UNKL: variants seen among roughly 807,000 people sequenced by gnomAD.
The protein encoded by UNKL is unk like zinc finger.
UNKL carries 60 observed loss-of-function variants against 78.0 expected under a neutral mutation model. That is an observed-to-expected ratio of 0.77 (90% CI 0.63 to 0.95). The LOEUF (loss-of-function observed/expected upper bound fraction) is 0.95. UNKL is among the 40% of genes least tolerant of loss of function. The pLI is 0.00. For synonymous variants in UNKL, 608 were observed against 474.8 expected (o/e 1.28, Z -3.65); for missense variants, 1,159 against 1,045.7 (o/e 1.11, Z -1.49).
chr16:1,380,965 G>C (rs1156285473), intron 10 of UNKL, among the ~76,000 whole-genome samples: 3 of 152,122 alleles, frequency 2.0e-5, no homozygotes, highest in Admixed American at 6.6e-5. Context: ...GTGAGCCACT[G>C]CTCACGGCTC....
At chr16:1,381,622 C>T (rs528849089) in intron 10 of UNKL, among the ~76,000 whole-genome samples, 4 of 152,254 alleles carry the variant, frequency 2.6e-5, no homozygotes, top group Admixed American at 1.3e-4. Flanking sequence ...AAAAAAAGAA[C>T]CTGCTCAGAG....
chr16:1,378,034 T>C (rs1438363965), intron 10 of UNKL, among the ~76,000 whole-genome samples: 1 of 152,184 alleles, frequency 6.6e-6, no homozygotes, highest in African/African-American at 2.4e-5. Flanking sequence ...ATGGGTCCTT[T>C]GCCGGGCTCC....
intron 2 of UNKL, among the ~76,000 whole-genome samples, chr16:1,413,504 G>A (rs150272323): frequency 9.2e-5 from 14 of 152,136 alleles, no homozygotes; most frequent in African/African-American, 3.1e-4. Context: ...GGAGGTAGAG[G>A]CTGCAGTGAG....
intron 5 of UNKL, chr16:1,398,836 T>TG: frequency 6.4e-7 from 1 of 1,563,084 alleles, no homozygotes; most frequent in Non-Finnish European, 8.7e-7. Context: ...AGGGGACAGC[T>TG]GGGGCTCAGG....
Position 1,396,738 on chromosome 16 carries a change from C to T in UNKL, c.852+440G>A, listed in dbSNP as rs564836256. Among the ~76,000 whole-genome samples the T allele has an allele frequency of 1.1e-3, 165 of 152,184 alleles. 1 individual carries two copies. Among genetic ancestry groups the T allele is most frequent in the African/African-American group, 3.7e-3 (154 of 41,528 alleles). On this transcript the variant is annotated intron_variant, in intron 6 of 14. Coordinates refer to ENST00000389221, the MANE Select transcript of UNKL (RefSeq NM_001372107.1). Reference sequence around the variant, plus strand: ...CCTCCTGAGTAGCTGGGACTACAGACGCCCGCCACCACGCCTGGCTGATTT... The same window carrying T: ...CCTCCTGAGTAGCTGGGACTACAGATGCCCGCCACCACGCCTGGCTGATTT...
intron 6 of UNKL, among the ~76,000 whole-genome samples, chr16:1,396,430 G>A (rs1045685910): frequency 2.7e-5 from 4 of 149,882 alleles, no homozygotes; most frequent in Non-Finnish European, 5.9e-5. Context: ...AGGACTACAG[G>A]CGCGCACCAC....
At chr16:1,386,167 G>A (rs1453496657) in intron 9 of UNKL, among the ~76,000 whole-genome samples, 1 of 152,236 alleles carries the variant, frequency 6.6e-6, no homozygotes, top group Non-Finnish European at 1.5e-5. Context: ...CCAGCACTTT[G>A]GGAGGCCAAG....
At chr16:1,401,743 G>T in intron 3 of UNKL, 42 bp from the exon 4 acceptor site, 1 of 1,572,740 alleles carries the variant, frequency 6.4e-7, no homozygotes, top group African/African-American at 1.3e-5. Context: ...TGCATCTGGA[G>T]CCTCCAAAGC....
Position 1,403,209 on chromosome 16 carries a change from C to A in UNKL, c.423G>T (p.Ala141=). The part of the protein sequence containing the change: ...CVKNGLHCAF[A]HGPLDLRPPV... ...GCGGCCGCAGGTCCAGGGGGCCGTGCGCGAAGGCACAGTGCAGCCCATTCT... is the reference window on the plus strand; with the variant it reads ...GCGGCCGCAGGTCCAGGGGGCCGTGAGCGAAGGCACAGTGCAGCCCATTCT... The change falls in exon 3 of 15, where the codon GCG becomes GCT. Residue 141 remains alanine (A), a synonymous_variant. Coordinates refer to ENST00000389221, the MANE Select transcript of UNKL (RefSeq NM_001372107.1). This position sits in a 1 kb window ranked among gnomAD's most constrained non-coding sequence, Gnocchi z 4.8. 6.2e-7 allele frequency: 1 copy of A among 1,613,786 alleles called. No homozygotes were observed. Among genetic ancestry groups the A allele is most frequent in the Non-Finnish European group, 8.5e-7 (1 of 1,179,914 alleles).
chr16:1,370,430 C>T (rs1026805267), intron 11 of UNKL, 73 bp from the exon 12 acceptor site: 1 of 1,507,418 alleles, frequency 6.6e-7, no homozygotes, highest in Non-Finnish European at 8.8e-7. Flanking sequence ...TGGGCGGCAG[C>T]CGTGGAAGAC....
intron 10 of UNKL, among the ~76,000 whole-genome samples, chr16:1,377,196 A>C (rs1389679619): frequency 1.3e-5 from 2 of 152,074 alleles, no homozygotes; most frequent in Non-Finnish European, 2.9e-5. Flanking sequence ...CTAATTTTGC[A>C]TTTTTAGTAG....
chr16:1,393,920 C>T (rs1472716144), intron 7 of UNKL, among the ~76,000 whole-genome samples: 1 of 152,198 alleles, frequency 6.6e-6, no homozygotes, highest in African/African-American at 2.4e-5. Context: ...TGGCCCACGC[C>T]GGCGTGGAGG....
In UNKL at chr16:1,403,236, C is replaced by T. The variant is rs779474414; in HGVS notation, c.396G>A (p.Val132=). The T allele has an allele frequency of 1.2e-6, 2 of 1,614,148 alleles. No homozygotes were observed. The highest frequency in any genetic ancestry group is 1.7e-6 in the Non-Finnish European group (2 of 1,180,014). The stretch of plus-strand genomic sequence containing the variant: ...CGAAGGCACAGTGCAGCCCATTCTT[C>T]ACGCAGTGGCCACGTGCGTCTGTCT... ...IHETDARGHC[V]KNGLHCAFAH... is the part of the protein sequence containing the mutation. The change falls in exon 3 of 15, where the codon GTG becomes GTA. Residue 132 remains valine (V), a synonymous_variant. Transcript: ENST00000389221. This position sits in a 1 kb window ranked among gnomAD's most constrained non-coding sequence, Gnocchi z 4.8.
Position 1,385,360 on chromosome 16 carries a change from A to C in UNKL, c.1112T>G (p.Val371Gly). Residue 371 changes from valine to glycine, a missense_variant, in exon 10 of 15, where the codon GTC becomes GGC. Coordinates refer to ENST00000389221, the MANE Select transcript of UNKL (RefSeq NM_001372107.1). ...GCTCACGCTGGGGGCCGGCGGGTGGACCGCTGCAAACACGGCCAGGTGGTT... is the reference window on the plus strand; with the variant it reads ...GCTCACGCTGGGGGCCGGCGGGTGGCCCGCTGCAAACACGGCCAGGTGGTT... ...KQNHLAVFAAVHPPAPSVSSS... is the reference protein window; with the variant it reads ...KQNHLAVFAAGHPPAPSVSSS... 1.4e-6 allele frequency: 2 copies of C among 1,410,288 alleles called. No homozygotes were observed. The highest frequency in any genetic ancestry group is 1.8e-6 in the Non-Finnish European group (2 of 1,085,244). The allele number at this position is 1,410,288 out of a possible 1,614,324, so 87.4% of individuals were successfully genotyped here. A position where few individuals can be genotyped will look rare whatever the true frequency, so the allele number is the denominator to read the frequency against.
chr16:1,400,908 C>G (rs1222329137), intron 4 of UNKL, among the ~76,000 whole-genome samples: 1 of 152,130 alleles, frequency 6.6e-6, no homozygotes, highest in East Asian at 1.9e-4. Context: ...AGGCTGGCCT[C>G]AAACTCCTGA....
At chr16:1,388,613 C>T (rs1490312251) in intron 9 of UNKL, among the ~76,000 whole-genome samples, 1 of 152,166 alleles carries the variant, frequency 6.6e-6, no homozygotes, top group Non-Finnish European at 1.5e-5. Flanking sequence ...ACTCCTTGTA[C>T]CCCAAGGCAC....
At chr16:1,411,180 A>C (rs532480404) in intron 2 of UNKL, among the ~76,000 whole-genome samples, 2 of 152,094 alleles carry the variant, frequency 1.3e-5, no homozygotes, top group South Asian at 4.2e-4. Context: ...AATGTAGCAA[A>C]ACCCCTTCTC....
At position 1,383,376 on chromosome 16, in the gene UNKL, C is replaced by G. The variant is rs576115454; in HGVS notation, c.1264+1832G>C. 137 of 157,714 alleles carry G rather than the reference C, an allele frequency of 8.7e-4. 1 individual carries two copies. The highest frequency in any genetic ancestry group is 3.1e-3 in the African/African-American group (130 of 41,778). 9.8% of individuals were successfully genotyped at this position (157,714 alleles called of 1,614,324 possible). A position where few individuals can be genotyped will look rare whatever the true frequency, so the allele number is the denominator to read the frequency against. On this transcript the variant is annotated intron_variant, in intron 10 of 14. Transcript: ENST00000389221. The stretch of plus-strand genomic sequence containing the variant: ...ACCCCAAGCAGATGCAGGGATGGGA[C>G]GGCCCAGCAGCAACACAGGCCAAGA...
At chr16:1,381,387 A>C (rs2036600491) in intron 10 of UNKL, among the ~76,000 whole-genome samples, 1 of 152,218 alleles carries the variant, frequency 6.6e-6, no homozygotes, top group Admixed American at 6.5e-5. Context: ...TGGGAGGCTG[A>C]GGTGGGCGGA....
Sources: allele counts gnomAD v4.1 joint callset (sites outside exome capture counted in the v4.1 genomes callset), GRCh38; gene constraint gnomAD v4.1.1; non-coding constraint Gnocchi (gnomAD v3.1); transcripts MANE v1.5; gene names NCBI Gene and HGNC (gene_info 2026-07-23, HGNC 2026-07-21).